ZSWIM5: variants seen among roughly 807,000 people sequenced by gnomAD.
The protein encoded by ZSWIM5 is zinc finger SWIM domain-containing protein 5.
ZSWIM5 carries 55 observed loss-of-function variants against 119.6 expected under a neutral mutation model. That is an observed-to-expected ratio of 0.46 (90% CI 0.37 to 0.58). The LOEUF is 0.58. ZSWIM5 is among the 20% of genes least tolerant of loss of function. ZSWIM5 has a pLI of 0.00. For synonymous variants in ZSWIM5, 537 were observed against 606.9 expected (o/e 0.88, Z 1.69); for missense variants, 1,193 against 1,512.8 (o/e 0.79, Z 3.51).
At chr1:45,118,410 T>C (rs1490116365) in intron 1 of ZSWIM5, among the ~76,000 whole-genome samples, 2 of 152,328 alleles carry the variant, frequency 1.3e-5, no homozygotes, top group South Asian at 4.1e-4. Context: ...TTGATACTAA[T>C]TTCCTGAGTA....
At chr1:45,052,530 C>T (rs979355738) in intron 4 of ZSWIM5, among the ~76,000 whole-genome samples, 1 of 151,942 alleles carries the variant, frequency 6.6e-6, no homozygotes, top group Admixed American at 6.6e-5. Flanking sequence ...AGCACTTTGG[C>T]AGGCCAAGGA....
chr1:45,196,996 T>C (rs559532807), intron 1 of ZSWIM5, among the ~76,000 whole-genome samples: 62 of 152,310 alleles, frequency 4.1e-4, no homozygotes, highest in South Asian at 1.7e-3. Flanking sequence ...CTGCTTAACT[T>C]TGAGACTTTC....
rs536237268 is a variant in ZSWIM5 at position 45,169,898 on chromosome 1, T to C, written c.595+35858A>G. On this transcript the variant is annotated intron_variant, in intron 1 of 13. Coordinates refer to ENST00000359600, the MANE Select transcript of ZSWIM5 (RefSeq NM_020883.2). ...CCTATATTATACACATATATACTAG[T>C]TATGAAACATCATCCTCCTTTTAAA... Among the ~76,000 whole-genome samples the C allele has an allele frequency of 6.9e-4, 105 of 152,216 alleles. 1 individual carries two copies. Among genetic ancestry groups the C allele is most frequent in the Middle Eastern group, 3.4e-3 (1 of 294 alleles).
At chr1:45,099,880 T>TA (rs1246743708) in intron 1 of ZSWIM5, among the ~76,000 whole-genome samples, 1 of 152,180 alleles carries the variant, frequency 6.6e-6, no homozygotes, top group Non-Finnish European at 1.5e-5. Context: ...ATAAATTAGG[T>TA]ATTGATGTAA....
intron 1 of ZSWIM5, among the ~76,000 whole-genome samples, chr1:45,147,901 T>A (rs1645772211): frequency 1.3e-5 from 2 of 150,518 alleles, no homozygotes; most frequent in South Asian, 4.2e-4. Flanking sequence ...ATAAAAAAAA[T>A]AAAAACAGAG....
At chr1:45,094,023 ATATTTATTTATTTATTTATT>A (rs66921356) in intron 1 of ZSWIM5, among the ~76,000 whole-genome samples, 55 of 134,420 alleles carry the variant, frequency 4.1e-4, no homozygotes, top group East Asian at 2.8e-3. Flanking sequence ...TTTTATTTTT[ATATTTATTTATTTATTTATT>A]TATTTATTTA....
At chr1:45,157,151 A>G (rs981700120) in intron 1 of ZSWIM5, among the ~76,000 whole-genome samples, 1 of 152,064 alleles carries the variant, frequency 6.6e-6, no homozygotes, top group Non-Finnish European at 1.5e-5. Flanking sequence ...ACTTTTCAGT[A>G]AGGTTTTTTT....
chr1:45,139,532 G>C (rs986970173), intron 1 of ZSWIM5, among the ~76,000 whole-genome samples: 7 of 144,590 alleles, frequency 4.8e-5, no homozygotes, highest in Non-Finnish European at 1.1e-4. Context: ...AAAGTGCTGG[G>C]ATTATGGTAT....
chr1:45,029,625 G>T (rs1237607733), intron 11 of ZSWIM5, among the ~76,000 whole-genome samples: 2 of 152,132 alleles, frequency 1.3e-5, no homozygotes, highest in African/African-American at 4.8e-5. Context: ...TCATGCACTA[G>T]CTTTGAATCC....
At chr1:45,163,669 G>A (rs980427708) in intron 1 of ZSWIM5, among the ~76,000 whole-genome samples, 10 of 152,192 alleles carry the variant, frequency 6.6e-5, no homozygotes, top group African/African-American at 2.4e-4. Context: ...CGAGAACTAT[G>A]TGACGCATGC....
intron 6 of ZSWIM5, among the ~76,000 whole-genome samples, chr1:45,042,757 C>T (rs565415122): frequency 3.9e-5 from 6 of 152,030 alleles, no homozygotes; most frequent in African/African-American, 1.2e-4. Flanking sequence ...TTATCATGAA[C>T]GAAGGTAGGA....
intron 1 of ZSWIM5, among the ~76,000 whole-genome samples, chr1:45,204,269 A>G (rs984346289): frequency 1.3e-5 from 2 of 152,184 alleles, no homozygotes; most frequent in Admixed American, 1.3e-4. Context: ...AAAGTTAAAT[A>G]AATGATCGAA....
At chr1:45,030,715 T>C (rs1435607138) in intron 11 of ZSWIM5, among the ~76,000 whole-genome samples, 1 of 152,214 alleles carries the variant, frequency 6.6e-6, no homozygotes, top group African/African-American at 2.4e-5. Flanking sequence ...TCATTCCTGA[T>C]ATTGGTCATT....
Position 45,129,153 on chromosome 1 carries a change from GTTTTTTTTT to G in ZSWIM5, c.596-40925_596-40917del, listed in dbSNP as rs869042927. Among the ~76,000 whole-genome samples the G allele has an allele frequency of 1.3e-4, 9 of 70,160 alleles. No individual in the cohort carries two copies. The East Asian group carries it at 4.6e-3, about 36-fold the overall frequency. The allele number at this position is 70,160 out of a possible 152,430, so 46.0% of individuals were successfully genotyped here. On this transcript the variant is annotated intron_variant, in intron 1 of 13. Transcript: ENST00000359600. ...TTATACTTTTCCTCACATACATCTT[GTTTTTTTTT>G]TTTTTTTTTTTTTTTTGAGACAGAG...
At chr1:45,037,204 GGGTTCA>G (rs1644990519) in intron 8 of ZSWIM5, among the ~76,000 whole-genome samples, 1 of 150,672 alleles carries the variant, frequency 6.6e-6, no homozygotes. Flanking sequence ...TCCGCCTCCT[GGGTTCA>G]AGCAATTCAT....
intron 2 of ZSWIM5, among the ~76,000 whole-genome samples, chr1:45,063,156 G>GT (rs1266346095): frequency 3.3e-5 from 5 of 152,116 alleles, no homozygotes; most frequent in African/African-American, 7.2e-5. Context: ...AATTATTTTG[G>GT]TCTTTTTTTA....
At chr1:45,169,782 G>C (rs1055622761) in intron 1 of ZSWIM5, among the ~76,000 whole-genome samples, 1 of 151,994 alleles carries the variant, frequency 6.6e-6, no homozygotes, top group Non-Finnish European at 1.5e-5. Flanking sequence ...TATTGTACTA[G>C]TGTTCTGTAT....
rs146124317 is a variant in ZSWIM5, at chr1:45,175,718, C to T, written c.595+30038G>A. Reference sequence around the variant, plus strand: ...CTTCCCTCCTCAGCCTCCCGAAGTGCTGGGATTATAGGCATGAACCATGGC... The same window carrying T: ...CTTCCCTCCTCAGCCTCCCGAAGTGTTGGGATTATAGGCATGAACCATGGC... On this transcript the variant is annotated intron_variant, in intron 1 of 13. Coordinates refer to ENST00000359600, the MANE Select transcript of ZSWIM5 (RefSeq NM_020883.2). 2.6e-3 allele frequency among the ~76,000 whole-genome samples: 390 copies of T among 151,744 alleles called. 13 individuals are homozygous for T. The East Asian group carries it at 0.065, about 25-fold the overall frequency.
At chr1:45,146,440 T>A (rs1645760866) in intron 1 of ZSWIM5, among the ~76,000 whole-genome samples, 1 of 130,830 alleles carries the variant, frequency 7.6e-6, no homozygotes, top group East Asian at 2.1e-4. Context: ...ACTTTTTTTT[T>A]TTTTTTTTTT....
Sources: allele counts gnomAD v4.1 joint callset (sites outside exome capture counted in the v4.1 genomes callset), GRCh38; gene constraint gnomAD v4.1.1; transcripts MANE v1.5; gene names NCBI Gene and HGNC (gene_info 2026-07-23, HGNC 2026-07-21).